Variants in C6 observed in about 807,000 individuals in gnomAD.
The protein encoded by C6 is complement component C6.
A neutral mutation model predicts 112.9 loss-of-function variants in C6; 101 were observed. The ratio of observed to expected loss-of-function variants is 0.89; its 90% confidence interval spans 0.76 to 1.06. The LOEUF is 1.06. Among genes scored for constraint, C6 ranks in the 50% least tolerant of loss-of-function variants. The probability of loss-of-function intolerance (pLI) is 0.00; values close to 1 mark genes in which losing one functional copy is unlikely to be tolerated. For synonymous variants in C6, 431 were observed against 384.1 expected (o/e 1.12, Z -1.43); for missense variants, 1,202 against 1,104.6 (o/e 1.09, Z -1.25).
intron 17 of C6, among the ~76,000 whole-genome samples, chr5:41,146,507 T>C (rs753039269): frequency 4.3e-4 from 65 of 152,176 alleles, no homozygotes; most frequent in Non-Finnish European, 8.1e-4. Flanking sequence ...CATTTGTATA[T>C]TGATACTTTT....
Position 41,153,881 on chromosome 5 carries a change from C to A in C6, c.2219G>T (p.Gly740Val). 1 of 1,613,744 alleles carries A rather than the reference C, an allele frequency of 6.2e-7. No individual in the cohort carries two copies. The highest frequency in any genetic ancestry group is 1.3e-5 in the African/African-American group (1 of 75,012). ...LTCPKGFVVA[G>V]PSRYTCQGNS... ...CCCCTGGCATGTGTACCTTGATGGC[C>A]CAGCAACAACAAAGCCTTTGGGGCA... Residue 740 changes from glycine to valine, a missense_variant, in exon 15 of 18, where the codon GGG (glycine) becomes GTG (valine). By Grantham distance (109) the Gly-to-Val change is moderately radical (BLOSUM62 -3). Transcript: ENST00000337836.
chr5:41,203,335 T>C (rs1035229659), intron 1 of C6, 85 bp from the exon 2 acceptor site: 6 of 1,422,358 alleles, frequency 4.2e-6, no homozygotes, highest in Non-Finnish European at 5.9e-6. Context: ...GATTCAAATG[T>C]GATTTTAGAA....
chr5:41,261,194 T>C (rs1223027444), exon 1 of C6: 10 of 985,640 alleles, frequency 1.0e-5, no homozygotes, highest in Non-Finnish European at 1.2e-5. Flanking sequence ...GAAAACTTAC[T>C]ATGCATCTAT....
At chr5:41,185,793 A>G (rs1164058483) in intron 6 of C6, among the ~76,000 whole-genome samples, 1 of 152,216 alleles carries the variant, frequency 6.6e-6, no homozygotes, top group Non-Finnish European at 1.5e-5. Context: ...TGGAGAAAGC[A>G]TGGACTCGAA....
At chr5:41,232,660 A>C (rs1279141262) in intron 1 of C6, among the ~76,000 whole-genome samples, 5 of 152,112 alleles carry the variant, frequency 3.3e-5, no homozygotes, top group Admixed American at 1.3e-4. Context: ...AAAAGTAAAA[A>C]AAATTTTAAG....
At position 41,149,418 on chromosome 5, in the gene C6, A is replaced by G. The variant is rs1746163270; in HGVS notation, c.2446T>C (p.Cys816Arg). Reference protein sequence around the residue: ...DSNDYFTSPACKFLAEKCLNN... With the variant: ...DSNDYFTSPARKFLAEKCLNN... Reference sequence around the variant, plus strand: ...AAACATTTCTCAGCCAAAAACTTACAAGCGGGTGAAGTAAAGTAATCGTTG... The same window carrying G: ...AAACATTTCTCAGCCAAAAACTTACGAGCGGGTGAAGTAAAGTAATCGTTG... Residue 816 changes from cysteine (C) to arginine (R), a missense_variant, in exon 17 of 18, where the codon TGT becomes CGT. By Grantham distance (180) the Cys-to-Arg change is radical. Transcript: ENST00000337836. The G allele has an allele frequency of 1.2e-6, 2 of 1,614,026 alleles. No homozygotes were observed. Among genetic ancestry groups the G allele is most frequent in the African/African-American group, 1.3e-5 (1 of 74,944 alleles).
intron 1 of C6, among the ~76,000 whole-genome samples, chr5:41,247,139 T>A (rs915034487): frequency 5.3e-5 from 8 of 152,236 alleles, no homozygotes; most frequent in African/African-American, 1.9e-4. Flanking sequence ...ATGTTTATGC[T>A]GATTCTACCT....
intron 1 of C6, among the ~76,000 whole-genome samples, chr5:41,226,476 G>T (rs950598776): frequency 6.6e-6 from 1 of 152,172 alleles, no homozygotes; most frequent in African/African-American, 2.4e-5. Flanking sequence ...AAGGTGTGGA[G>T]AAATAGCAGT....
At chr5:41,225,917 G>A (rs1739466409) in intron 1 of C6, among the ~76,000 whole-genome samples, 1 of 152,154 alleles carries the variant, frequency 6.6e-6, no homozygotes, top group Non-Finnish European at 1.5e-5. Flanking sequence ...AGCTGAAAGT[G>A]GATCCCTTCC....
chr5:41,234,598 C>G (rs1740136000), intron 1 of C6, among the ~76,000 whole-genome samples: 2 of 151,960 alleles, frequency 1.3e-5, no homozygotes, highest in Non-Finnish European at 2.9e-5. Flanking sequence ...GTAGTTTCTC[C>G]AATTTTATAA....
chr5:41,223,583 G>A (rs1739305969), intron 1 of C6, among the ~76,000 whole-genome samples: 1 of 152,104 alleles, frequency 6.6e-6, no homozygotes, highest in African/African-American at 2.4e-5. Flanking sequence ...TTTTCTAACT[G>A]GTTAAGTTGG....
chr5:41,247,621 G>A (rs1554037420), intron 1 of C6, among the ~76,000 whole-genome samples: 3 of 151,646 alleles, frequency 2.0e-5, no homozygotes, highest in Non-Finnish European at 2.9e-5. Context: ...AGGAGGCTGA[G>A]GCAGGAGAAT....
At chr5:41,188,169 T>C (rs909212272) in intron 5 of C6, among the ~76,000 whole-genome samples, 2 of 152,112 alleles carry the variant, frequency 1.3e-5, no homozygotes, top group African/African-American at 4.8e-5. Context: ...TATTAGTGGA[T>C]TGGCAGAATT....
At chr5:41,196,038 CAAGT>C in intron 4 of C6, 105 bp from the exon 5 acceptor site, 2 of 1,303,800 alleles carry the variant, frequency 1.5e-6, no homozygotes, top group Non-Finnish European at 2.2e-6. Context: ...AAGTTGAAGG[CAAGT>C]CTTCACTGTT....
intron 4 of C6, 110 bp from the exon 5 acceptor site, chr5:41,196,043 C>A (rs1053442075): frequency 1.6e-6 from 2 of 1,289,878 alleles, no homozygotes; most frequent in Admixed American, 3.8e-5. Context: ...GAAGGCAAGT[C>A]TTCACTGTTT....
At chr5:41,177,344 GT>G (rs1229480052) in intron 7 of C6, among the ~76,000 whole-genome samples, 1 of 151,972 alleles carries the variant, frequency 6.6e-6, no homozygotes, top group Admixed American at 6.6e-5. Flanking sequence ...AAATATATGA[GT>G]TTTTTTGTTT....
Position 41,155,077 on chromosome 5 carries a change from C to A in C6, c.1996G>T (p.Glu666Ter). 1 of 1,613,664 alleles carries A rather than the reference C, an allele frequency of 6.2e-7. No homozygotes were observed. The highest frequency in any genetic ancestry group is 8.5e-7 in the Non-Finnish European group (1 of 1,179,670). ...RNEKQLYLVG[E>*]DVEISCLTGF... ...GTAAGGCATGAAATTTCAACATCTT[C>A]TCCAACCAAGTATAGTTGCTTTTCA... The change falls in exon 14 of 18, where the codon GAA (glutamate) becomes TAA (stop). Residue 666 changes from glutamate (E) to a stop codon, truncating the protein, a stop_gained. Transcript: ENST00000337836. LOFTEE classifies it high-confidence loss of function.
chr5:41,167,902 G>A (rs1748112996), intron 9 of C6, among the ~76,000 whole-genome samples: 1 of 152,088 alleles, frequency 6.6e-6, no homozygotes, highest in African/African-American at 2.4e-5. Flanking sequence ...ATTGTAGGAA[G>A]GGAAGAAATA....
At chr5:41,208,158 T>C (rs979878748) in intron 1 of C6, among the ~76,000 whole-genome samples, 3 of 152,218 alleles carry the variant, frequency 2.0e-5, no homozygotes, top group African/African-American at 7.2e-5. Context: ...AATAAAGATG[T>C]TCTTTGAAAC....
Sources: gnomAD v4.1 joint callset for allele counts (sites outside exome capture counted in the v4.1 genomes callset) on GRCh38, gnomAD v4.1.1 for gene constraint, MANE v1.5 for transcripts, NCBI Gene and HGNC (gene_info 2026-07-23, HGNC 2026-07-21) for gene names.